GGA3: variants seen among roughly 807,000 people sequenced by gnomAD.
GGA3 encodes golgi associated, gamma adaptin ear containing, ARF binding protein 3.
Under a neutral mutation model 77.5 loss-of-function variants are expected in GGA3, and 57 were observed. The ratio of observed to expected loss-of-function variants is 0.74; its 90% confidence interval spans 0.59 to 0.92. The LOEUF (loss-of-function observed/expected upper bound fraction) is 0.92, where lower values mean the gene tolerates loss of function less well. Ranked by LOEUF, GGA3 falls within the 40% of genes least tolerant of loss-of-function variation. GGA3 has a pLI of 0.00. For missense variants in GGA3, 970 were observed against 914.9 expected (o/e 1.06, Z -0.78); for synonymous variants, 416 against 383.7 (o/e 1.08, Z -0.98).
chr17:75,258,264 T>C (rs1299676506), intron 1 of GGA3, among the ~76,000 whole-genome samples: 1 of 152,200 alleles, frequency 6.6e-6, no homozygotes, highest in Non-Finnish European at 1.5e-5. Context: ...GGTAGTCTCT[T>C]CACACGGACG....
rs1204498613 is a variant in GGA3, at chr17:75,242,241, G to A, written c.747+95C>T. On this transcript the variant is annotated intron_variant, in intron 8 of 16. Transcript: ENST00000537686. ...GAATACACTGCCAAGTGCACAGCCC[G>A]TGTCTCTGACAAGGCACGTGCTCAG... 3.2e-5 allele frequency: 41 copies of A among 1,297,662 alleles called. No homozygotes were observed. In the East Asian group the frequency reaches 4.6e-4, roughly 15 times the overall value. The allele number at this position is 1,297,662 out of a possible 1,614,324, so 80.4% of individuals were successfully genotyped here. A position where few individuals can be genotyped will look rare whatever the true frequency, so the allele number is the denominator to read the frequency against.
rs759592259 is a variant in GGA3 at position 75,240,867 on chromosome 17, C to T, written c.1137G>A (p.Gly379=). The T allele has an allele frequency of 5.6e-6, 9 of 1,613,396 alleles. No homozygotes were observed. The highest frequency in any genetic ancestry group is 6.8e-6 in the Non-Finnish European group (8 of 1,179,848). ...AGAGGGCGTTGCTTGTGCTGCTGGG[C>T]CCCAGGGTGGCCTCGGCCTGGCTAG... The part of the protein sequence containing the change: ...RSSSQAEATL[G]PSSTSNALSW... Residue 379 remains glycine, a synonymous_variant, in exon 11 of 17, where the codon GGG becomes GGA. Coordinates refer to ENST00000537686, the MANE Select transcript of GGA3 (RefSeq NM_138619.4).
intron 8 of GGA3, 53 bp downstream of exon 8, chr17:75,242,283 T>A: frequency 6.2e-7 from 1 of 1,601,406 alleles, no homozygotes; most frequent in Non-Finnish European, 8.6e-7. Flanking sequence ...CTGGCTGAGC[T>A]CCTGAAGGGC....
chr17:75,250,762 C>A (rs1362627465), intron 1 of GGA3, among the ~76,000 whole-genome samples: 42 of 78,826 alleles, frequency 5.3e-4, no homozygotes, highest in African/African-American at 1.7e-3. Flanking sequence ...ACTCCATCTC[C>A]AAAAAAAAAA....
chr17:75,244,549 C>G (rs1254002115), intron 4 of GGA3, 70 bp downstream of exon 4: 3 of 943,910 alleles, frequency 3.2e-6, no homozygotes, highest in Non-Finnish European at 5.2e-6. Context: ...GCAGTGAAAG[C>G]CAGTATGATG....
intron 3 of GGA3, among the ~76,000 whole-genome samples, chr17:75,245,982 TG>T (rs1798105337): frequency 6.6e-6 from 1 of 152,234 alleles, no homozygotes; most frequent in Admixed American, 6.5e-5. Context: ...TCGGAGCATG[TG>T]GAGGCACTGA....
chr17:75,248,785 A>G lies in GGA3; in HGVS notation c.41-1989T>C, dbSNP rs1200205609. On this transcript the variant is annotated intron_variant, in intron 1 of 16. Transcript: ENST00000537686. ...TGGGCAACAAGTGAAAACTCTGTCTAAAAAAAAAACAAAAACAAAAACAAA... is the reference window on the plus strand; with the variant it reads ...TGGGCAACAAGTGAAAACTCTGTCTGAAAAAAAAACAAAAACAAAAACAAA... The G allele has an allele frequency of 2.1e-5, 15 of 719,348 alleles. No individual in the cohort carries two copies. In the East Asian group the frequency reaches 7.8e-4, roughly 38 times the overall value. 44.6% of individuals were successfully genotyped at this position (719,348 alleles called of 1,614,324 possible). A position where few individuals can be genotyped will look rare whatever the true frequency, so the allele number is the denominator to read the frequency against.
At position 75,260,006 on chromosome 17, in the gene GGA3, A is replaced by G. The variant is rs530204912; in HGVS notation, c.40+1542T>C. On this transcript the variant is annotated intron_variant, in intron 1 of 16. Coordinates refer to ENST00000537686, the MANE Select transcript of GGA3 (RefSeq NM_138619.4). ...CTACTAAAAATCAAAAGAATTAGCC[A>G]AGCATGGTGGCGTGTGCCTATAGTC... 1.8e-3 allele frequency among the ~76,000 whole-genome samples: 269 copies of G among 152,224 alleles called. 3 individuals carry two copies. Among genetic ancestry groups the G allele is most frequent in the African/African-American group, 6.1e-3 (254 of 41,538 alleles).
chr17:75,238,857 G>C (rs551758721), intron 15 of GGA3, 57 bp downstream of exon 15: 6 of 1,592,984 alleles, frequency 3.8e-6, no homozygotes, highest in South Asian at 1.1e-5. Flanking sequence ...GGCTGCAAAG[G>C]CCTCTACACA....
intron 1 of GGA3, among the ~76,000 whole-genome samples, chr17:75,252,683 G>C (rs1243100562): frequency 6.6e-6 from 1 of 152,150 alleles, no homozygotes. Context: ...TATACATCCA[G>C]ATGGCCTGAA....
At chr17:75,251,821 G>A (rs2145570343) in intron 1 of GGA3, among the ~76,000 whole-genome samples, 1 of 149,540 alleles carries the variant, frequency 6.7e-6, no homozygotes, top group South Asian at 2.1e-4. Context: ...ACTCAGGCAA[G>A]AGTGCAGTGG....
chr17:75,256,405 GGCCCGGACCTCAA>G (rs1437914346), intron 1 of GGA3, among the ~76,000 whole-genome samples: 1 of 151,860 alleles, frequency 6.6e-6, no homozygotes, highest in East Asian at 1.9e-4. Flanking sequence ...CACTGTTCCT[GGCCCGGACCTCAA>G]TCTGGCCTCC....
intron 15 of GGA3, 72 bp downstream of exon 15, chr17:75,238,842 C>A: frequency 6.3e-7 from 1 of 1,578,950 alleles, no homozygotes; most frequent in Non-Finnish European, 8.7e-7. Flanking sequence ...ACACTGCCAC[C>A]TGCTGGCTGC....
Position 75,244,624 on chromosome 17 carries a change from G to T in GGA3, c.295C>A (p.Pro99Thr). 1 of 1,604,708 alleles carries T rather than the reference G, an allele frequency of 6.2e-7. No homozygotes were observed. Among genetic ancestry groups the T allele is most frequent in the South Asian group, 1.1e-5 (1 of 90,866 alleles). ...GGAATCTGCCGCTGACTGACCTTTG[G>T]AGAGACGACTTTGATTAACTCATTC... is the stretch of plus-strand genomic sequence containing the variant. ...FLNELIKVVS[P>T]KYLGDRVSEK... The change falls in exon 4 of 17, where the codon CCA becomes ACA. Residue 99 changes from proline (P) to threonine (T), a missense_variant. By Grantham distance (38) the Pro-to-Thr change is conservative (BLOSUM62 -1). Transcript: ENST00000537686.
At chr17:75,259,032 C>A (rs2077254573) in intron 1 of GGA3, among the ~76,000 whole-genome samples, 1 of 151,036 alleles carries the variant, frequency 6.6e-6, no homozygotes. Context: ...CAGCTCACTG[C>A]AAGCTCCACC....
intron 1 of GGA3, among the ~76,000 whole-genome samples, chr17:75,250,239 C>T (rs2076914488): frequency 6.6e-6 from 1 of 152,236 alleles, no homozygotes; most frequent in African/African-American, 2.4e-5. Flanking sequence ...TAGACCTTGC[C>T]TTCCCGAACC....
chr17:75,243,466 G>C lies in GGA3; in HGVS notation c.405C>G (p.Tyr135Ter). 6.2e-7 allele frequency: 1 copy of C among 1,614,222 alleles called. No individual in the cohort carries two copies. The highest frequency in any genetic ancestry group is 8.5e-7 in the Non-Finnish European group (1 of 1,180,052). The change falls in exon 5 of 17, where the codon TAC (tyrosine) becomes TAG (stop). Residue 135 changes from tyrosine (Y) to a stop codon, truncating the protein, a stop_gained. Transcript: ENST00000537686. LOFTEE classifies it high-confidence loss of function. ...ACGTACCCTGTCTCTTCAGCATGTGGTAGGCGTCTTTGATCTTTGCTTCTT... is the reference window on the plus strand; with the variant it reads ...ACGTACCCTGTCTCTTCAGCATGTGCTAGGCGTCTTTGATCTTTGCTTCTT... ...LPEEAKIKDA[Y>*]HMLKRQGIVQ... is the part of the protein sequence containing the mutation.
chr17:75,240,138 A>C, intron 12 of GGA3, 30 bp from the exon 13 acceptor site: 10 of 314,730 alleles, frequency 3.2e-5, no homozygotes, highest in Non-Finnish European at 4.7e-5. Flanking sequence ...TGGTGAGCCG[A>C]GGGCGGGTGG....
At chr17:75,238,478 A>G (rs934241701) in intron 16 of GGA3, 89 bp from the exon 17 acceptor site, 1 of 1,203,628 alleles carries the variant, frequency 8.3e-7, no homozygotes, top group Admixed American at 2.0e-5. Context: ...TGCTAGAGGA[A>G]TGGTCCCTTT....
Sources: allele counts gnomAD v4.1 joint callset (sites outside exome capture counted in the v4.1 genomes callset), GRCh38; gene constraint gnomAD v4.1.1; transcripts MANE v1.5; gene names NCBI Gene and HGNC (gene_info 2026-07-23, HGNC 2026-07-21).